The following FAM135B variants were observed in gnomAD, a reference collection of about 807,000 sequenced individuals.
The protein encoded by FAM135B is family with sequence similarity 135 member B, also known as protein FAM135B.
A neutral mutation model predicts 127.7 loss-of-function variants in FAM135B; 43 were observed. That is an observed-to-expected ratio of 0.34 (90% confidence interval 0.26 to 0.43). The LOEUF (loss-of-function observed/expected upper bound fraction) is 0.43. Among genes scored for constraint, FAM135B ranks in the 20% least tolerant of loss-of-function variants. The pLI, the probability that FAM135B is intolerant of heterozygous loss-of-function variation, is 1.00. For missense variants in FAM135B, 1,558 were observed against 1,725.6 expected, an observed-to-expected ratio of 0.90 and a Z score of 1.72; for synonymous variants, 670 against 665.1, an observed-to-expected ratio of 1.01 and a Z score of -0.11.
At chr8:138,485,740 A>G (rs1814959549) in intron 1 of FAM135B, among the ~76,000 whole-genome samples, 1 of 152,100 alleles carries the variant, frequency 6.6e-6, no homozygotes, top group Non-Finnish European at 1.5e-5. Context: ...GGGAGTTATA[A>G]AAAAGAGGGC....
chr8:138,252,930 G>A (rs1298387797), intron 5 of FAM135B, among the ~76,000 whole-genome samples: 1 of 152,102 alleles, frequency 6.6e-6, no homozygotes, highest in East Asian at 1.9e-4. Flanking sequence ...CTCCCAAGTA[G>A]CTGGGATTAC....
intron 12 of FAM135B, among the ~76,000 whole-genome samples, chr8:138,156,999 A>G (rs1282516207): frequency 6.6e-6 from 1 of 152,232 alleles, no homozygotes; most frequent in African/African-American, 2.4e-5. Context: ...TCGAAAAAAG[A>G]GAATTTTAGA....
At position 138,215,168 on chromosome 8, in the gene FAM135B, C is replaced by G. The variant is rs573647277; in HGVS notation, c.670-17499G>C. Among the ~76,000 whole-genome samples, 226 of 152,164 alleles carry G rather than the reference C, an allele frequency of 1.5e-3. 2 individuals carry two copies. Among genetic ancestry groups the G allele is most frequent in the African/African-American group, 5.2e-3 (217 of 41,510 alleles). On this transcript the variant is annotated intron_variant, in intron 7 of 19. Coordinates refer to ENST00000395297, the MANE Select transcript of FAM135B (RefSeq NM_015912.4). ...AGAGTCTAACAGCCTGGGCTCAAAC[C>G]CTAGAACCACCATCCACAATCTACC...
At chr8:138,266,265 A>C (rs184943426) in intron 3 of FAM135B, among the ~76,000 whole-genome samples, 2 of 152,218 alleles carry the variant, frequency 1.3e-5, no homozygotes, top group Middle Eastern at 3.4e-3. Context: ...TAGTGCCCAT[A>C]GAGTCTCTCC....
chr8:138,198,175 T>C (rs924192456), intron 7 of FAM135B, among the ~76,000 whole-genome samples: 8 of 152,146 alleles, frequency 5.3e-5, no homozygotes, highest in East Asian at 1.9e-4. Flanking sequence ...ATAAGTCTTA[T>C]GAGATCTGAT....
intron 1 of FAM135B, among the ~76,000 whole-genome samples, chr8:138,417,567 T>C (rs1186244251): frequency 6.6e-6 from 1 of 152,206 alleles, no homozygotes; most frequent in Non-Finnish European, 1.5e-5. Context: ...GCATTGCCCA[T>C]GACAGTATTG....
chr8:138,307,350 A>C (rs1319072808), intron 3 of FAM135B, among the ~76,000 whole-genome samples: 2 of 152,202 alleles, frequency 1.3e-5, no homozygotes, highest in Non-Finnish European at 2.9e-5. Context: ...GTGCAGAACT[A>C]TAAGTCTAAT....
At chr8:138,436,148 A>C (rs1265667064) in intron 1 of FAM135B, among the ~76,000 whole-genome samples, 1 of 152,206 alleles carries the variant, frequency 6.6e-6, no homozygotes, top group Non-Finnish European at 1.5e-5. Context: ...TTTAATGCTT[A>C]TCTTACATGT....
intron 1 of FAM135B, among the ~76,000 whole-genome samples, chr8:138,447,482 T>C (rs1836244527): frequency 1.3e-5 from 2 of 152,080 alleles, no homozygotes; most frequent in Non-Finnish European, 2.9e-5. Context: ...GCCATAAAAA[T>C]GATGAGTTCA....
chr8:138,296,276 C>A (rs985794286), intron 3 of FAM135B, among the ~76,000 whole-genome samples: 1 of 152,200 alleles, frequency 6.6e-6, no homozygotes, highest in Non-Finnish European at 1.5e-5. Flanking sequence ...TTCACAGAAT[C>A]TCCACCTTCA....
Position 138,225,958 on chromosome 8 carries a change from T to C in FAM135B, c.669+16984A>G, listed in dbSNP as rs182243143. Among the ~76,000 whole-genome samples, 244 of 152,274 alleles carry C rather than the reference T, an allele frequency of 1.6e-3. 1 individual carries two copies. Among genetic ancestry groups the C allele is most frequent in the African/African-American group, 5.6e-3 (231 of 41,556 alleles). On this transcript the variant is annotated intron_variant, in intron 7 of 19. Transcript: ENST00000395297. ...ATATTGAAGGTGTATGCTCATTCCA[T>C]AGGGGCCTAGCAGAACCTGGAATTC...
intron 7 of FAM135B, among the ~76,000 whole-genome samples, chr8:138,200,761 G>T (rs894134913): frequency 6.6e-6 from 1 of 152,168 alleles, no homozygotes; most frequent in African/African-American, 2.4e-5. Context: ...TTATAAGTTG[G>T]AGAATGCTCT....
chr8:138,160,268 T>A (rs1281883236), intron 12 of FAM135B, among the ~76,000 whole-genome samples: 1 of 151,984 alleles, frequency 6.6e-6, no homozygotes, highest in Non-Finnish European at 1.5e-5. Flanking sequence ...GTTCTGGGAG[T>A]CATTCTAACA....
At chr8:138,365,950 T>C (rs1363817714) in intron 2 of FAM135B, among the ~76,000 whole-genome samples, 1 of 152,170 alleles carries the variant, frequency 6.6e-6, no homozygotes, top group Non-Finnish European at 1.5e-5. Context: ...GAAGCTTGAT[T>C]TCCATTTTTT....
chr8:138,442,331 T>C (rs1835854925), intron 1 of FAM135B, among the ~76,000 whole-genome samples: 1 of 146,196 alleles, frequency 6.8e-6, no homozygotes, highest in African/African-American at 2.5e-5. Context: ...TATGTTTGGT[T>C]GTGTGTCTAT....
intron 7 of FAM135B, among the ~76,000 whole-genome samples, chr8:138,204,508 G>A (rs1817407344): frequency 6.6e-6 from 1 of 152,192 alleles, no homozygotes; most frequent in Non-Finnish European, 1.5e-5. Context: ...GTGAATGAAT[G>A]AATGAATGAG....
chr8:138,430,347 G>A (rs1185070161), intron 1 of FAM135B, among the ~76,000 whole-genome samples: 1 of 152,196 alleles, frequency 6.6e-6, no homozygotes, highest in East Asian at 1.9e-4. Context: ...CAATTAGTAT[G>A]TATTTTTAAT....
intron 1 of FAM135B, among the ~76,000 whole-genome samples, chr8:138,480,650 C>A (rs1026238610): frequency 6.6e-6 from 1 of 152,108 alleles, no homozygotes; most frequent in African/African-American, 2.4e-5. Flanking sequence ...GAAAATATTT[C>A]CTAATGGAAG....
chr8:138,381,563 T>C (rs1831859663), intron 1 of FAM135B, among the ~76,000 whole-genome samples: 1 of 152,138 alleles, frequency 6.6e-6, no homozygotes, highest in African/African-American at 2.4e-5. Context: ...GCAAGAAACA[T>C]GGCAGAGAAT....
Sources: allele counts gnomAD v4.1 joint callset (sites outside exome capture counted in the v4.1 genomes callset), GRCh38; gene constraint gnomAD v4.1.1; transcripts MANE v1.5; gene names NCBI Gene and HGNC (gene_info 2026-07-23, HGNC 2026-07-21).